Variants in LHFPL3 observed in about 807,000 individuals in gnomAD.
LHFPL3 encodes LHFPL tetraspan subfamily member 3, also known as LHFPL tetraspan subfamily member 3 protein.
A neutral mutation model predicts 19.3 loss-of-function variants in LHFPL3; 5 were observed. The ratio of observed to expected loss-of-function variants is 0.26; its 90% confidence interval spans 0.14 to 0.54. The LOEUF is 0.54. Ranked by LOEUF, LHFPL3 falls within the 20% of genes least tolerant of loss-of-function variation. LHFPL3 has a pLI of 0.94. For missense variants in LHFPL3, 249 were observed against 307.4 expected, an observed-to-expected ratio of 0.81 and a Z score of 1.42; for synonymous variants, 133 against 126.2, an observed-to-expected ratio of 1.05 and a Z score of -0.36.
At chr7:104,764,615 AT>A (rs1794425925) in intron 2 of LHFPL3, among the ~76,000 whole-genome samples, 1 of 152,200 alleles carries the variant, frequency 6.6e-6, no homozygotes, top group South Asian at 2.1e-4. Flanking sequence ...TTAATAATCC[AT>A]ATCTACACTT....
chr7:104,362,438 C>A (rs1790403376), intron 1 of LHFPL3, among the ~76,000 whole-genome samples: 1 of 152,188 alleles, frequency 6.6e-6, no homozygotes, highest in Admixed American at 6.5e-5. Flanking sequence ...ATTCTGAAAA[C>A]AATTGAGAAA....
chr7:104,815,591 G>C (rs1790547402), intron 2 of LHFPL3, among the ~76,000 whole-genome samples: 1 of 152,178 alleles, frequency 6.6e-6, no homozygotes, highest in African/African-American at 2.4e-5. Flanking sequence ...TCATTACAAT[G>C]ATTTACCCAA....
chr7:104,673,918 A>G (rs1792535582), intron 1 of LHFPL3, among the ~76,000 whole-genome samples: 1 of 152,210 alleles, frequency 6.6e-6, no homozygotes, highest in South Asian at 2.1e-4. Context: ...TGCATAGTTC[A>G]TCAAATGATA....
intron 1 of LHFPL3, among the ~76,000 whole-genome samples, chr7:104,665,077 A>G (rs963948713): frequency 2.0e-5 from 3 of 152,254 alleles, no homozygotes; most frequent in Non-Finnish European, 4.4e-5. Flanking sequence ...TTAGCACTTA[A>G]TCACTAATTT....
intron 1 of LHFPL3, among the ~76,000 whole-genome samples, chr7:104,463,964 A>T (rs1306841959): frequency 6.6e-6 from 1 of 152,176 alleles, no homozygotes; most frequent in African/African-American, 2.4e-5. Flanking sequence ...TCAAAAGTCC[A>T]CGTCCAAAGT....
At chr7:104,773,257 C>A (rs184766578) in intron 2 of LHFPL3, among the ~76,000 whole-genome samples, 1 of 152,302 alleles carries the variant, frequency 6.6e-6, no homozygotes, top group Admixed American at 6.5e-5. Context: ...CAAGGACAGG[C>A]AGTGTGCCTC....
chr7:104,457,962 G>GTT (rs780032918), intron 1 of LHFPL3, among the ~76,000 whole-genome samples: 2 of 143,104 alleles, frequency 1.4e-5, no homozygotes, highest in African/African-American at 5.2e-5. Flanking sequence ...TGATGGGGTT[G>GTT]TTTGTTTTTT....
intron 1 of LHFPL3, among the ~76,000 whole-genome samples, chr7:104,554,876 C>G (rs575302205): frequency 2.0e-5 from 3 of 152,310 alleles, no homozygotes; most frequent in Non-Finnish European, 4.4e-5. Flanking sequence ...CCTGAGAACA[C>G]AGGGGGACCA....
chr7:104,684,394 T>C (rs1792767839), intron 1 of LHFPL3, among the ~76,000 whole-genome samples: 1 of 152,262 alleles, frequency 6.6e-6, no homozygotes, highest in Non-Finnish European at 1.5e-5. Flanking sequence ...TACTGGTAGA[T>C]GACTGTTGCA....
intron 1 of LHFPL3, among the ~76,000 whole-genome samples, chr7:104,576,498 G>A (rs1790341560): frequency 6.6e-6 from 1 of 152,182 alleles, no homozygotes; most frequent in Admixed American, 6.5e-5. Flanking sequence ...TCAAGCCACT[G>A]CTTGGCATTG....
chr7:104,468,703 G>T (rs935322952), intron 1 of LHFPL3, among the ~76,000 whole-genome samples: 1 of 148,042 alleles, frequency 6.8e-6, no homozygotes, highest in Non-Finnish European at 1.5e-5. Context: ...CCGTCATCCA[G>T]GCTGGAGTGC....
At position 104,668,546 on chromosome 7, in the gene LHFPL3, T is replaced by C; in HGVS notation, c.446-68129T>C. On this transcript the variant is annotated intron_variant, in intron 1 of 2. Coordinates refer to ENST00000424859, the MANE Select transcript of LHFPL3 (RefSeq NM_199000.3). ...GCAGCAGAGACTATGATAGAGGCTATGATTCCCGGATAGGCAGTGGCAGAA... is the reference window on the plus strand; with the variant it reads ...GCAGCAGAGACTATGATAGAGGCTACGATTCCCGGATAGGCAGTGGCAGAA... The C allele has an allele frequency of 6.2e-6, 10 of 1,613,126 alleles. No homozygotes were observed. In the Admixed American group the frequency reaches 1.7e-4, roughly 27 times the overall value.
At chr7:104,433,621 GC>G (rs1396601100) in intron 1 of LHFPL3, among the ~76,000 whole-genome samples, 1 of 152,130 alleles carries the variant, frequency 6.6e-6, no homozygotes, top group Non-Finnish European at 1.5e-5. Flanking sequence ...CTCCGTGTTT[GC>G]CTTTTCCTTT....
At chr7:104,904,062 T>C (rs1792548250) in intron 2 of LHFPL3, among the ~76,000 whole-genome samples, 3 of 152,336 alleles carry the variant, frequency 2.0e-5, no homozygotes, top group Non-Finnish European at 4.4e-5. Context: ...AAAGAAAGTA[T>C]TCCTTTCCGT....
chr7:104,872,382 C>T (rs59264482), intron 2 of LHFPL3, among the ~76,000 whole-genome samples: 34,647 of 151,426 alleles, frequency 0.23, 4,258 homozygotes, highest in South Asian at 0.39. Context: ...CAGTGGCTCA[C>T]GCCTGTAATC....
At position 104,458,256 on chromosome 7, in the gene LHFPL3, G is replaced by A. The variant is rs192423803; in HGVS notation, c.445+129032G>A. Among the ~76,000 whole-genome samples the A allele has an allele frequency of 5.5e-3, 832 of 152,132 alleles. 48 individuals carry two copies. In the East Asian group the frequency reaches 0.13, roughly 24 times the overall value. On this transcript the variant is annotated intron_variant, in intron 1 of 2. Transcript: ENST00000424859. ...GGGTTTTTATGGTTTTAGGTCTAAC[G>A]TTTAAGTCTTTAATCCATCTTAAAT...
At chr7:104,448,617 A>G (rs1370516669) in intron 1 of LHFPL3, among the ~76,000 whole-genome samples, 1 of 152,216 alleles carries the variant, frequency 6.6e-6, no homozygotes, top group Non-Finnish European at 1.5e-5. Context: ...AACCATTACT[A>G]TACTATATGA....
chr7:104,529,670 T>C (rs778240228), intron 1 of LHFPL3, among the ~76,000 whole-genome samples: 1 of 152,134 alleles, frequency 6.6e-6, no homozygotes, highest in Non-Finnish European at 1.5e-5. Flanking sequence ...ATCATGTTGA[T>C]TAATGGCACA....
chr7:104,560,123 A>T (rs1177907159), intron 1 of LHFPL3, among the ~76,000 whole-genome samples: 49 of 143,744 alleles, frequency 3.4e-4, no homozygotes, highest in African/African-American at 1.3e-3. Flanking sequence ...TTCATCAAGG[A>T]TATTGGTCTA....
Sources: gnomAD v4.1 joint callset for allele counts (sites outside exome capture counted in the v4.1 genomes callset) on GRCh38, gnomAD v4.1.1 for gene constraint, MANE v1.5 for transcripts, NCBI Gene and HGNC (gene_info 2026-07-23, HGNC 2026-07-21) for gene names.